Variants in NAT10 observed in about 807,000 individuals in gnomAD.
NAT10 encodes N-acetyltransferase 10.
In NAT10, 109 loss-of-function variants were observed where a neutral mutation model predicts 132.2. The observed-to-expected ratio is 0.82, with a 90% confidence interval of 0.71 to 0.97. The LOEUF (loss-of-function observed/expected upper bound fraction) is 0.97. NAT10 is among the 50% of genes least tolerant of loss of function. The pLI is 0.00. For synonymous variants in NAT10, 479 were observed against 478.0 expected (o/e 1.00, Z -0.03); for missense variants, 1,184 against 1,263.4 (o/e 0.94, Z 0.95).
intron 19 of NAT10, 132 bp downstream of exon 19, chr11:34,135,423 A>C: frequency 1.4e-6 from 1 of 696,370 alleles, no homozygotes; most frequent in Non-Finnish European, 2.5e-6. Context: ...GCTTTCTCCT[A>C]CCGAACACTT....
intron 23 of NAT10, 120 bp from the exon 24 acceptor site, chr11:34,140,279 TG>T: frequency 1.1e-6 from 1 of 952,018 alleles, no homozygotes. Flanking sequence ...CAGGGCTGTG[TG>T]GTATGGCTGC....
At chr11:34,128,362 C>CAAAAAAAAAAAAA (rs914837839) in intron 12 of NAT10, among the ~76,000 whole-genome samples, 4 of 67,218 alleles carry the variant, frequency 6.0e-5, no homozygotes, top group African/African-American at 1.0e-4. Flanking sequence ...AAAAACAAAA[C>CAAAAAAAAAAAAA]AAAAAAAAAA....
At chr11:34,145,714 C>T (rs1339823902) in intron 28 of NAT10, among the ~76,000 whole-genome samples, 1 of 152,018 alleles carries the variant, frequency 6.6e-6, no homozygotes, top group Non-Finnish European at 1.5e-5. Context: ...GTCTAGTTTC[C>T]AGAGTCACTG....
Position 34,127,563 on chromosome 11 carries a change from G to T in NAT10, c.1208G>T (p.Gly403Val). 1.9e-6 allele frequency: 3 copies of T among 1,613,688 alleles called. No individual in the cohort carries two copies. Among genetic ancestry groups the T allele is most frequent in the South Asian group, 1.1e-5 (1 of 91,072 alleles). ...IPLPLVKSLLGPYLVFMASTI... is the reference protein window; with the variant it reads ...IPLPLVKSLLVPYLVFMASTI... ...CTCCCCTTGGTGAAGAGCCTACTTGGCCCCTACCTTGTTTTCATGGCATCC... is the reference window on the plus strand; with the variant it reads ...CTCCCCTTGGTGAAGAGCCTACTTGTCCCCTACCTTGTTTTCATGGCATCC... The change falls in exon 12 of 29, where the codon GGC (glycine) becomes GTC (valine). Residue 403 changes from glycine (G) to valine (V), a missense_variant. Coordinates refer to ENST00000257829, the MANE Select transcript of NAT10 (RefSeq NM_024662.3).
rs757530546 is a variant in NAT10, at chr11:34,134,595, T to A, written c.1911+9T>A. On this transcript the variant is annotated intron_variant, in intron 18 of 28. Transcript: ENST00000257829. ...ACCCAGATTATCAAGGGGTAATGTG[T>A]CCTCAGGCTCCCCTGAAGCCGTGTT... 8.7e-6 allele frequency: 14 copies of A among 1,613,902 alleles called. No individual in the cohort carries two copies. In the South Asian group the frequency reaches 1.5e-4, roughly 18 times the overall value.
In NAT10 at chr11:34,108,417, A is replaced by C. The variant is rs927356242; in HGVS notation, c.108+84A>C. On this transcript the variant is annotated intron_variant, in intron 2 of 28. Coordinates refer to ENST00000257829, the MANE Select transcript of NAT10 (RefSeq NM_024662.3). ...TTTAAGCACTCTGCTGTTTCAGGAC[A>C]TAATGGCATTAAGATCTCTTTGGCT... is the stretch of plus-strand genomic sequence containing the variant. 4 of 1,109,090 alleles carry C rather than the reference A, an allele frequency of 3.6e-6. No individual in the cohort carries two copies. The East Asian group carries it at 9.4e-5, about 26-fold the overall frequency. 68.7% of individuals were successfully genotyped at this position (1,109,090 alleles called of 1,614,324 possible). A position where few individuals can be genotyped will look rare whatever the true frequency, so the allele number is the denominator to read the frequency against.
At chr11:34,110,938 C>T (rs1338992992) in intron 3 of NAT10, among the ~76,000 whole-genome samples, 1 of 152,126 alleles carries the variant, frequency 6.6e-6, no homozygotes, top group African/African-American at 2.4e-5. Flanking sequence ...AGTTTTGAAC[C>T]ATAATTGGTA....
At chr11:34,128,322 C>T (rs1035933747) in intron 12 of NAT10, among the ~76,000 whole-genome samples, 11 of 150,652 alleles carry the variant, frequency 7.3e-5, no homozygotes, top group African/African-American at 2.7e-4. Context: ...CCACTGCTCT[C>T]CAGTCTGGGC....
At chr11:34,141,259 A>G in intron 25 of NAT10, 51 bp downstream of exon 25, 1 of 1,609,480 alleles carries the variant, frequency 6.2e-7, no homozygotes, top group Non-Finnish European at 8.5e-7. Flanking sequence ...TAGTGCAACA[A>G]ACCCACTCCC....
At chr11:34,133,567 T>C (rs1852146650) in intron 16 of NAT10, among the ~76,000 whole-genome samples, 1 of 152,206 alleles carries the variant, frequency 6.6e-6, no homozygotes, top group African/African-American at 2.4e-5. Context: ...TGCTTTTATT[T>C]TTAGGCAGTG....
intron 10 of NAT10, among the ~76,000 whole-genome samples, 167 bp from the exon 11 acceptor site, chr11:34,124,135 C>T (rs143617971): frequency 0.015 from 2,208 of 152,108 alleles, 68 homozygotes; most frequent in African/African-American, 0.049. Flanking sequence ...CGCCACTGCA[C>T]TCCAGCCTGG....
chr11:34,127,482 CT>C lies in NAT10; in HGVS notation c.1128del (p.Val377Ter). 1 of 1,613,892 alleles carries C rather than the reference CT, an allele frequency of 6.2e-7. No homozygotes were observed. The highest frequency in any genetic ancestry group is 8.5e-7 in the Non-Finnish European group (1 of 1,179,786). ...CCATAGTATATACATCCTGCAGATG[CT>C]GTGAAGCTGGGCCAGGCTGAACTAG... is the stretch of plus-strand genomic sequence containing the variant. The part of the protein sequence containing the change: ...QTIQYIHPAD[A>X]VKLGQAELVV... On this transcript the variant is annotated frameshift_variant, in exon 12 of 29. Transcript: ENST00000257829. LOFTEE classifies it high-confidence loss of function.
At chr11:34,142,184 C>T (rs557623073) in intron 26 of NAT10, 91 bp from the exon 27 acceptor site, 2 of 1,188,414 alleles carry the variant, frequency 1.7e-6, no homozygotes, top group African/African-American at 1.5e-5. Context: ...GTTTTCTCAT[C>T]ATTGTGCCAT....
intron 11 of NAT10, 68 bp from the exon 12 acceptor site, chr11:34,127,395 A>G (rs1852014623): frequency 1.4e-6 from 2 of 1,422,864 alleles, no homozygotes; most frequent in Non-Finnish European, 1.9e-6. Context: ...CTTTATGATG[A>G]GTCGCCAGTA....
chr11:34,130,150 G>C (rs1479019557), intron 12 of NAT10, among the ~76,000 whole-genome samples: 1 of 152,190 alleles, frequency 6.6e-6, no homozygotes, highest in East Asian at 1.9e-4. Context: ...TGTGTACCCT[G>C]TGGTGACATA....
intron 3 of NAT10, among the ~76,000 whole-genome samples, chr11:34,110,559 C>CCAT (rs1253094704): frequency 9.8e-6 from 1 of 101,742 alleles, no homozygotes; most frequent in African/African-American, 4.5e-5. Flanking sequence ...TTTTCTTTCC[C>CCAT]TTTTTTTTTT....
chr11:34,143,373 C>T, intron 27 of NAT10, 72 bp from the exon 28 acceptor site: 2 of 1,304,434 alleles, frequency 1.5e-6, no homozygotes, highest in Admixed American at 2.1e-5. Context: ...AATGTTGTCA[C>T]TGTCGTTATT....
chr11:34,125,716 G>A (rs954916845), intron 11 of NAT10, among the ~76,000 whole-genome samples: 2 of 152,248 alleles, frequency 1.3e-5, no homozygotes, highest in East Asian at 1.9e-4. Context: ...TAATCCCAGC[G>A]CTTTGGGAGG....
chr11:34,115,720 A>G, intron 5 of NAT10, 103 bp from the exon 6 acceptor site: 14 of 1,155,282 alleles, frequency 1.2e-5, no homozygotes, highest in Non-Finnish European at 1.6e-5. Flanking sequence ...TTTTGTTTCC[A>G]GCAAGATTGC....
Sources: gnomAD v4.1 joint callset for allele counts (sites outside exome capture counted in the v4.1 genomes callset) on GRCh38, gnomAD v4.1.1 for gene constraint, MANE v1.5 for transcripts, NCBI Gene and HGNC (gene_info 2026-07-23, HGNC 2026-07-21) for gene names.